Variants in RBFOX3 observed in about 807,000 individuals in gnomAD.
RBFOX3 encodes the protein RNA binding fox-1 homolog 3, also known as RNA binding protein fox-1 homolog 3.
A neutral mutation model predicts 48.7 loss-of-function variants in RBFOX3; 17 were observed. The ratio of observed to expected loss-of-function variants is 0.35; its 90% CI spans 0.24 to 0.52. RBFOX3 has a LOEUF of 0.52. RBFOX3 is among the 20% of genes least tolerant of loss of function. RBFOX3 has a pLI of 0.94. For synonymous variants in RBFOX3, 212 were observed against 209.5 expected (o/e 1.01, Z -0.10); for missense variants, 382 against 497.5 (o/e 0.77, Z 2.21).
intron 2 of RBFOX3, among the ~76,000 whole-genome samples, chr17:79,458,217 C>G (rs952056332): frequency 6.6e-6 from 1 of 152,238 alleles, no homozygotes; most frequent in Non-Finnish European, 1.5e-5. Flanking sequence ...AATGGGACTG[C>G]GCTGCCTGAC....
intron 5 of RBFOX3, among the ~76,000 whole-genome samples, chr17:79,108,052 T>A (rs2077746792): frequency 6.6e-6 from 1 of 152,252 alleles, no homozygotes; most frequent in East Asian, 1.9e-4. Flanking sequence ...CCTTAGGGGT[T>A]TTGGGAGATC....
At chr17:79,269,988 G>T (rs1332177263) in intron 3 of RBFOX3, among the ~76,000 whole-genome samples, 1 of 152,060 alleles carries the variant, frequency 6.6e-6, no homozygotes, top group Non-Finnish European at 1.5e-5. Flanking sequence ...GGCCTCTGCT[G>T]CTTCTCCATT....
chr17:79,338,778 G>A (rs2081586923), intron 2 of RBFOX3, among the ~76,000 whole-genome samples: 1 of 152,188 alleles, frequency 6.6e-6, no homozygotes, highest in African/African-American at 2.4e-5. Flanking sequence ...TGTTCCAGAG[G>A]ATGCCTTTCT....
chr17:79,127,630 G>A (rs1397421341), intron 4 of RBFOX3, among the ~76,000 whole-genome samples: 3 of 152,258 alleles, frequency 2.0e-5, no homozygotes, highest in Non-Finnish European at 4.4e-5. Context: ...CCCGACCGGC[G>A]CCCTTGAGCC....
chr17:79,468,996 T>TAGGC (rs2076718867), intron 2 of RBFOX3, among the ~76,000 whole-genome samples: 1 of 142,644 alleles, frequency 7.0e-6, no homozygotes, highest in African/African-American at 2.7e-5. Context: ...GGATAGCAGA[T>TAGGC]AGGCAGGCAG....
chr17:79,497,445 T>TG lies in RBFOX3; in HGVS notation c.-319-14848dup, dbSNP rs2081706525. ...GCCAATGGAGCCCAAGCAATACGTT[T>TG]GGGAAAAAAAGCAATCATCAATGTA... On this transcript the variant is annotated intron_variant, in intron 1 of 14. Transcript: ENST00000693108. Among the ~76,000 whole-genome samples, 5 of 152,126 alleles carry TG rather than the reference T, an allele frequency of 3.3e-5. No homozygotes were observed. In the South Asian group the frequency reaches 1.0e-3, roughly 32 times the overall value.
chr17:79,502,924 C>T (rs2082575211), intron 1 of RBFOX3, among the ~76,000 whole-genome samples: 1 of 152,212 alleles, frequency 6.6e-6, no homozygotes, highest in South Asian at 2.1e-4. Context: ...AAGTCCTGTC[C>T]CGATCAGCTC....
At chr17:79,187,590 G>A (rs571541946) in intron 4 of RBFOX3, among the ~76,000 whole-genome samples, 264 of 152,300 alleles carry the variant, frequency 1.7e-3, no homozygotes, top group African/African-American at 6.2e-3. Flanking sequence ...CAGTGGGGTG[G>A]GGTGGGCATG....
intron 4 of RBFOX3, among the ~76,000 whole-genome samples, chr17:79,186,819 G>C (rs75677244): frequency 6.6e-6 from 1 of 152,238 alleles, no homozygotes. Context: ...ACCTCAGAAG[G>C]TTCCGATGGT....
chr17:79,538,871 T>TA (rs781586752), intron 1 of RBFOX3, among the ~76,000 whole-genome samples: 11 of 152,164 alleles, frequency 7.2e-5, no homozygotes, highest in Non-Finnish European at 1.2e-4. Flanking sequence ...GGCCCATATG[T>TA]AAAGAGTGCC....
At chr17:79,241,132 T>G (rs148557187) in intron 3 of RBFOX3, among the ~76,000 whole-genome samples, 1 of 152,046 alleles carries the variant, frequency 6.6e-6, no homozygotes, top group Non-Finnish European at 1.5e-5. Context: ...AGCACCAACA[T>G]GCCTGGTTAT....
intron 3 of RBFOX3, among the ~76,000 whole-genome samples, chr17:79,264,548 G>A (rs965490942): frequency 1.3e-5 from 2 of 152,130 alleles, no homozygotes; most frequent in African/African-American, 2.4e-5. Context: ...CCAGAACAGT[G>A]AGAATCCATT....
At chr17:79,132,128 G>A (rs1283914286) in intron 4 of RBFOX3, among the ~76,000 whole-genome samples, 3 of 151,998 alleles carry the variant, frequency 2.0e-5, no homozygotes, top group Non-Finnish European at 4.4e-5. Context: ...AGTTCACCTC[G>A]ATGGTCAATC....
intron 1 of RBFOX3, among the ~76,000 whole-genome samples, chr17:79,560,553 C>T (rs2092142691): frequency 6.6e-6 from 1 of 152,164 alleles, no homozygotes; most frequent in Non-Finnish European, 1.5e-5. Context: ...CCGACCATGG[C>T]GTGTCCAGGA....
chr17:79,398,530 T>C (rs553953491), intron 2 of RBFOX3, among the ~76,000 whole-genome samples: 1 of 151,516 alleles, frequency 6.6e-6, no homozygotes, highest in Non-Finnish European at 1.5e-5. Context: ...CACGTGGCAA[T>C]GTCTGGAGAC....
chr17:79,508,577 T>A (rs1461369582), intron 1 of RBFOX3, among the ~76,000 whole-genome samples: 1 of 152,106 alleles, frequency 6.6e-6, no homozygotes, highest in Non-Finnish European at 1.5e-5. Context: ...TTTTAATGAC[T>A]CATCTGGGGT....
intron 2 of RBFOX3, among the ~76,000 whole-genome samples, chr17:79,355,889 T>A (rs1291359430): frequency 6.6e-6 from 1 of 152,210 alleles, no homozygotes; most frequent in Non-Finnish European, 1.5e-5. Context: ...CCGAACTGCT[T>A]TTTAGAAATT....
chr17:79,162,378 C>G (rs967812379), intron 4 of RBFOX3, among the ~76,000 whole-genome samples: 5 of 152,188 alleles, frequency 3.3e-5, no homozygotes, highest in Non-Finnish European at 5.9e-5. Context: ...GCCCCCAGCC[C>G]GGTGAGTGGA....
the RBFOX3 span, among the ~76,000 whole-genome samples, chr17:79,653,356 G>A: frequency 2.6e-5 from 4 of 152,296 alleles, no homozygotes; most frequent in African/African-American, 7.2e-5. Flanking sequence ...TGTTGACTAC[G>A]TGGAAGGTTG....
Sources: gnomAD v4.1 joint callset for allele counts (sites outside exome capture counted in the v4.1 genomes callset) on GRCh38, gnomAD v4.1.1 for gene constraint, MANE v1.5 for transcripts, NCBI Gene and HGNC (gene_info 2026-07-23, HGNC 2026-07-21) for gene names.